Variants in ADH1A observed in about 807,000 individuals in gnomAD.
The protein encoded by ADH1A is alcohol dehydrogenase 1A.
A neutral mutation model predicts 35.2 loss-of-function variants in ADH1A; 29 were observed. That is an observed-to-expected ratio of 0.82 (90% CI 0.61 to 1.12). ADH1A has a LOEUF of 1.12. Ranked by LOEUF, ADH1A falls within the 50% of genes most tolerant of loss-of-function variation. ADH1A has a pLI of 0.00. For missense variants in ADH1A, 469 were observed against 464.7 expected (o/e 1.01, Z -0.09); for synonymous variants, 147 against 164.8 (o/e 0.89, Z 0.83).
rs774884586 is a variant in ADH1A, at chr4:99,279,429, T to C, written c.1100A>G (p.Lys367Arg). Residue 367 changes from lysine (K) to arginine (R), a missense_variant, in exon 8 of 9, where the codon AAA becomes AGA. By Grantham distance (26) the Lys-to-Arg change is conservative. Coordinates refer to ENST00000209668, the MANE Select transcript of ADH1A (RefSeq NM_000667.4). ...GAAAACTAACTAAAAAATCTACCTT[T>C]TCCCAGAGTGAAGCAGGTCAAATCC... ...NEGFDLLHSGKSIRTILMF is the reference protein window; with the variant it reads ...NEGFDLLHSGRSIRTILMF The C allele has an allele frequency of 1.3e-6, 2 of 1,592,922 alleles. No individual in the cohort carries two copies. Among genetic ancestry groups the C allele is most frequent in the Non-Finnish European group, 1.7e-6 (2 of 1,174,568 alleles).
intron 7 of ADH1A, 91 bp downstream of exon 7, chr4:99,280,053 G>T: frequency 5.2e-6 from 8 of 1,539,290 alleles, no homozygotes; most frequent in Non-Finnish European, 6.3e-6. Context: ...ATTTGTTTTT[G>T]ATCTGCTTTT....
intron 2 of ADH1A, 39 bp downstream of exon 2, chr4:99,287,524 GT>G (rs753841547): frequency 6.3e-7 from 1 of 1,584,146 alleles, no homozygotes; most frequent in East Asian, 2.2e-5. Context: ...ACTTTTCTGA[GT>G]TTTTAAAACT....
In ADH1A at chr4:99,282,503, T is replaced by A; in HGVS notation, c.671A>T (p.Asp224Val). The part of the protein sequence containing the change: ...AAGAARIIAV[D>V]INKDKFAKAK... ...CTTTGCAAATTTGTCCTTGTTGATG[T>A]CCACCGCAATGATTCTGGCTGCCCC... The change falls in exon 6 of 9, where the codon GAC (aspartate) becomes GTC (valine). Residue 224 changes from aspartate (D) to valine (V), a missense_variant. Coordinates refer to ENST00000209668, the MANE Select transcript of ADH1A (RefSeq NM_000667.4). 6.2e-7 allele frequency: 1 copy of A among 1,614,192 alleles called. No individual in the cohort carries two copies. Among genetic ancestry groups the A allele is most frequent in the East Asian group, 2.2e-5 (1 of 44,880 alleles).
rs748636240 is a variant in ADH1A at position 99,284,535 on chromosome 4, A to G, written c.431T>C (p.Ile144Thr). The G allele has an allele frequency of 1.9e-6, 3 of 1,614,220 alleles. No homozygotes were observed. The highest frequency in any genetic ancestry group is 2.2e-5 in the South Asian group (2 of 91,084). Residue 144 changes from isoleucine to threonine, a missense_variant, in exon 5 of 9, where the codon ATC (isoleucine) becomes ACC (threonine). Coordinates refer to ENST00000209668, the MANE Select transcript of ADH1A (RefSeq NM_000667.4). ...RRKPIHHFLG[I>T]STFSQYTVVD... The stretch of plus-strand genomic sequence containing the variant: ...CACTGTGTACTGTGAGAAGGTGCTG[A>G]TGCCAAGGAAGTGGTGGATGGGCTT...
chr4:99,276,625 C>A lies in ADH1A; in HGVS notation c.1127G>T (p.Ter376LeuextTer50). The A allele has an allele frequency of 6.2e-7, 1 of 1,612,186 alleles. No individual in the cohort carries two copies. Among genetic ancestry groups the A allele is most frequent in the South Asian group, 1.1e-5 (1 of 91,040 alleles). Residue 376 changes from the stop codon to leucine, a stop_lost, in exon 9 of 9, where the codon TGA becomes TTA. Coordinates refer to ENST00000209668, the MANE Select transcript of ADH1A (RefSeq NM_000667.4). ...GKSIRTILMF* is the reference protein window; with the variant it reads ...GKSIRTILMFL Reference sequence around the variant, plus strand: ...ACAAGGGAAAACATCTGTATTGTCTCAAAACATCAGAATGGTACGGATACT... The same window carrying A: ...ACAAGGGAAAACATCTGTATTGTCTAAAAACATCAGAATGGTACGGATACT...
At position 99,279,510 on chromosome 4, in the gene ADH1A, T is replaced by A. The variant is rs1277815131; in HGVS notation, c.1019A>T (p.Lys340Met). 2 of 1,611,418 alleles carry A rather than the reference T, an allele frequency of 1.2e-6. No homozygotes were observed. Among genetic ancestry groups the A allele is most frequent in the Non-Finnish European group, 1.7e-6 (2 of 1,179,164 alleles). Residue 340 changes from lysine (K) to methionine (M), a missense_variant, in exon 8 of 9, where the codon AAG (lysine) becomes ATG (methionine). By Grantham distance (95) the Lys-to-Met change is moderately conservative. Coordinates refer to ENST00000209668, the MANE Select transcript of ADH1A (RefSeq NM_000667.4). ...GGTTATTAATGCATCCAATGAAAAC[T>A]TCTTAGCCATAAAATCAGCCACAAG... ...PKLVADFMAK[K>M]FSLDALITHV...
At chr4:99,290,835 T>C in intron 1 of ADH1A, 62 bp downstream of exon 1, 1 of 1,493,200 alleles carries the variant, frequency 6.7e-7, no homozygotes, top group Non-Finnish European at 9.3e-7. Flanking sequence ...TCAAATACTG[T>C]ATTACTTTCT....
At chr4:99,287,272 A>G (rs1017985264) in intron 2 of ADH1A, among the ~76,000 whole-genome samples, 2 of 152,196 alleles carry the variant, frequency 1.3e-5, no homozygotes, top group Non-Finnish European at 2.9e-5. Flanking sequence ...TTTAAAAAAT[A>G]GAAGTAGAAG....
intron 1 of ADH1A, among the ~76,000 whole-genome samples, chr4:99,288,511 A>T (rs1471147989): frequency 6.6e-6 from 1 of 152,234 alleles, no homozygotes; most frequent in African/African-American, 2.4e-5. Context: ...AGTGAACTGT[A>T]ATATCTGTCT....
intron 3 of ADH1A, among the ~76,000 whole-genome samples, chr4:99,285,608 GTTA>G (rs1411701234): frequency 2.0e-5 from 3 of 152,074 alleles, no homozygotes; most frequent in African/African-American, 4.8e-5. Flanking sequence ...GTAGTTATTA[GTTA>G]TTATTCAGTA....
chr4:99,282,108 A>T, intron 6 of ADH1A: 1 of 695,156 alleles, frequency 1.4e-6, no homozygotes, highest in Non-Finnish European at 2.3e-6. Flanking sequence ...CTCAGTTAAG[A>T]AAAACAAGCC....
chr4:99,284,095 T>C (rs1203292675), intron 5 of ADH1A, among the ~76,000 whole-genome samples: 1 of 152,190 alleles, frequency 6.6e-6, no homozygotes, highest in Non-Finnish European at 1.5e-5. Flanking sequence ...TGCTCTCTAA[T>C]TGTAGAATGA....
chr4:99,284,372 G>GT, intron 5 of ADH1A, 27 bp downstream of exon 5: 4 of 1,610,930 alleles, frequency 2.5e-6, no homozygotes, highest in South Asian at 2.2e-5. Flanking sequence ...GCGTGTAACT[G>GT]TTTTTATCAC....
intron 6 of ADH1A, chr4:99,282,119 C>G (rs1427815481): frequency 1.3e-6 from 1 of 767,988 alleles, no homozygotes; most frequent in Non-Finnish European, 2.0e-6. Flanking sequence ...AAAACAAGCC[C>G]TTTGCTTTTC....
intron 3 of ADH1A, among the ~76,000 whole-genome samples, chr4:99,285,244 A>G (rs1434974933): frequency 6.6e-6 from 1 of 152,232 alleles, no homozygotes; most frequent in Non-Finnish European, 1.5e-5. Flanking sequence ...TTGATTTACA[A>G]TAAAAATGAG....
chr4:99,284,273 T>C, intron 5 of ADH1A, 126 bp downstream of exon 5: 1 of 1,022,528 alleles, frequency 9.8e-7, no homozygotes, highest in Non-Finnish European at 1.5e-6. Flanking sequence ...TTCTGGATTG[T>C]GTTTCTATTC....
At chr4:99,278,999 A>G (rs991980046) in intron 8 of ADH1A, among the ~76,000 whole-genome samples, 1 of 152,218 alleles carries the variant, frequency 6.6e-6, no homozygotes, top group Non-Finnish European at 1.5e-5. Flanking sequence ...ACATACTCCA[A>G]TAATGAAAAT....
At chr4:99,290,544 G>GGT in intron 1 of ADH1A, among the ~76,000 whole-genome samples, 1 of 151,964 alleles carries the variant, frequency 6.6e-6, no homozygotes, top group South Asian at 2.1e-4. Flanking sequence ...TTTAAATTAT[G>GGT]GTACCTTAAT....
At position 99,284,356 on chromosome 4, in the gene ADH1A, C is replaced by T. The variant is rs1301436900; in HGVS notation, c.567+43G>A. The T allele has an allele frequency of 7.5e-6, 12 of 1,597,234 alleles. No homozygotes were observed. In the Admixed American group the frequency reaches 8.3e-5, roughly 11 times the overall value. On this transcript the variant is annotated intron_variant, in intron 5 of 8. Coordinates refer to ENST00000209668, the MANE Select transcript of ADH1A (RefSeq NM_000667.4). ...ACATTCCTTCCCTTTGGGTTCCTGACAGTCTGCGTGTAACTGTTTTTATCA... is the reference window on the plus strand; with the variant it reads ...ACATTCCTTCCCTTTGGGTTCCTGATAGTCTGCGTGTAACTGTTTTTATCA...
Sources: allele counts gnomAD v4.1 joint callset (sites outside exome capture counted in the v4.1 genomes callset), GRCh38; gene constraint gnomAD v4.1.1; transcripts MANE v1.5; gene names NCBI Gene and HGNC (gene_info 2026-07-23, HGNC 2026-07-21).